MVB12B: variants seen among roughly 807,000 people sequenced by gnomAD.
The protein encoded by MVB12B is multivesicular body subunit 12B, also known as ESCRT-I complex subunit MVB12B.
Under a neutral mutation model 41.6 loss-of-function variants are expected in MVB12B, and 16 were observed. The observed-to-expected ratio is 0.38, with a 90% CI of 0.26 to 0.58. MVB12B has a LOEUF of 0.58. Among genes scored for constraint, MVB12B ranks in the 20% least tolerant of loss-of-function variants. The pLI is 0.62. For missense variants in MVB12B, 274 were observed against 380.2 expected (o/e 0.72, Z 2.32); for synonymous variants, 133 against 139.7 (o/e 0.95, Z 0.34).
chr9:126,354,795 C>T (rs1018401246), intron 2 of MVB12B, among the ~76,000 whole-genome samples: 3 of 152,036 alleles, frequency 2.0e-5, no homozygotes, highest in Non-Finnish European at 4.4e-5. Flanking sequence ...GAATTATTTG[C>T]ATTATTTTTG....
chr9:126,412,840 T>G (rs1199454328), intron 6 of MVB12B, among the ~76,000 whole-genome samples: 3 of 152,228 alleles, frequency 2.0e-5, no homozygotes, highest in African/African-American at 7.2e-5. Flanking sequence ...GCAACTTTGT[T>G]TTTGCTTGGC....
chr9:126,424,525 G>A (rs777276077), intron 7 of MVB12B, among the ~76,000 whole-genome samples: 37 of 152,278 alleles, frequency 2.4e-4, no homozygotes, highest in Non-Finnish European at 4.0e-4. Flanking sequence ...GAATGCCTGT[G>A]GTGTCTGGGA....
rs759410517 is a variant in MVB12B, at chr9:126,386,647, C to T, written c.398C>T (p.Thr133Met). 1 of 1,612,240 alleles carries T rather than the reference C, an allele frequency of 6.2e-7. No individual in the cohort carries two copies. Reference sequence around the variant, plus strand: ...GTGGGCTTCATCCCAATTCAGGAGACGGTGGACACACGTGAGTCATCCTTT... The same window carrying T: ...GTGGGCTTCATCCCAATTCAGGAGATGGTGGACACACGTGAGTCATCCTTT... ...LPVGFIPIQE[T>M]VDTQEVAFRK... is the part of the protein sequence containing the mutation. The change falls in exon 4 of 10, where the codon ACG becomes ATG. Residue 133 changes from threonine to methionine, a missense_variant. Coordinates refer to ENST00000361171, the MANE Select transcript of MVB12B (RefSeq NM_033446.3). This position sits in a 1 kb window ranked among gnomAD's most constrained non-coding sequence, Gnocchi z 4.3.
At position 126,468,018 on chromosome 9, in the gene MVB12B, A is replaced by G. The variant is rs1225163644; in HGVS notation, c.758-13351A>G. Among the ~76,000 whole-genome samples, 3 of 152,256 alleles carry G rather than the reference A, an allele frequency of 2.0e-5. No individual in the cohort carries two copies. Among genetic ancestry groups the G allele is most frequent in the Non-Finnish European group, 2.9e-5 (2 of 68,038 alleles). On this transcript the variant is annotated intron_variant, in intron 7 of 9. Transcript: ENST00000361171. This position sits in a 1 kb window ranked among gnomAD's most constrained non-coding sequence, Gnocchi z 4.3. ...TACATATAAGTGTACACACACACAG[A>G]TGTGCGCTTATGTATCTGTCTACAA...
At chr9:126,482,089 C>G (rs1222618471) in intron 8 of MVB12B, among the ~76,000 whole-genome samples, 1 of 152,240 alleles carries the variant, frequency 6.6e-6, no homozygotes, top group Non-Finnish European at 1.5e-5. Context: ...CAAAGGCCAA[C>G]TTCAGACTGT....
At chr9:126,344,609 T>A (rs1234107575) in intron 2 of MVB12B, among the ~76,000 whole-genome samples, 1 of 152,222 alleles carries the variant, frequency 6.6e-6, no homozygotes, top group Non-Finnish European at 1.5e-5. Context: ...CTGGCCTGTG[T>A]AGGGGTTGGA....
chr9:126,343,307 G>C (rs1829499395), intron 2 of MVB12B, among the ~76,000 whole-genome samples: 1 of 152,166 alleles, frequency 6.6e-6, no homozygotes, highest in Non-Finnish European at 1.5e-5. Context: ...GTCAGAGTTG[G>C]GGTGAGTCTC....
Position 126,352,547 on chromosome 9 carries a change from T to C in MVB12B, c.204+11917T>C, listed in dbSNP as rs78415212. ...TTTACTGCTGTTTCTGGGTTGCTGATTTCTTTAGCTTCAAGTCTGGGATAT... is the reference window on the plus strand; with the variant it reads ...TTTACTGCTGTTTCTGGGTTGCTGACTTCTTTAGCTTCAAGTCTGGGATAT... On this transcript the variant is annotated intron_variant, in intron 2 of 9. Coordinates refer to ENST00000361171, the MANE Select transcript of MVB12B (RefSeq NM_033446.3). Among the ~76,000 whole-genome samples the C allele has an allele frequency of 6.5e-3, 987 of 152,348 alleles. 14 individuals carry two copies. Among genetic ancestry groups the C allele is most frequent in the African/African-American group, 0.022 (925 of 41,580 alleles).
intron 2 of MVB12B, among the ~76,000 whole-genome samples, chr9:126,369,931 G>A (rs933152487): frequency 6.6e-6 from 1 of 152,140 alleles, no homozygotes; most frequent in Non-Finnish European, 1.5e-5. Flanking sequence ...GGGATTACAG[G>A]TGTGAGCCAC....
intron 7 of MVB12B, among the ~76,000 whole-genome samples, chr9:126,455,889 T>TTG (rs1389158207): frequency 1.3e-5 from 1 of 74,336 alleles, no homozygotes; most frequent in Non-Finnish European, 3.1e-5. Flanking sequence ...CTTTCTTTCT[T>TTG]TTTTTTTTTT....
intron 1 of MVB12B, among the ~76,000 whole-genome samples, chr9:126,336,297 A>G (rs1167223394): frequency 1.3e-5 from 2 of 152,246 alleles, no homozygotes; most frequent in Admixed American, 6.5e-5. Flanking sequence ...TGAGTTTTCA[A>G]CTGTGATACA....
chr9:126,348,133 C>T (rs916757533), intron 2 of MVB12B, among the ~76,000 whole-genome samples: 6 of 152,210 alleles, frequency 3.9e-5, no homozygotes, highest in South Asian at 2.1e-4. Flanking sequence ...TTTTCAAAAC[C>T]AGAGCTTGTT....
intron 9 of MVB12B, among the ~76,000 whole-genome samples, chr9:126,490,131 G>T (rs935225699): frequency 6.6e-6 from 1 of 152,186 alleles, no homozygotes; most frequent in African/African-American, 2.4e-5. Flanking sequence ...TGTCTCTGCC[G>T]CTCTTTATTT....
chr9:126,404,777 G>A (rs1248527145), intron 6 of MVB12B, among the ~76,000 whole-genome samples: 4 of 152,242 alleles, frequency 2.6e-5, no homozygotes, highest in African/African-American at 4.8e-5. Context: ...TGAAGCGGGC[G>A]TTTAAGCAGG....
intron 2 of MVB12B, among the ~76,000 whole-genome samples, chr9:126,348,621 T>C (rs988342076): frequency 6.6e-6 from 1 of 152,256 alleles, no homozygotes; most frequent in Non-Finnish European, 1.5e-5. Context: ...TACTTCCTTC[T>C]GTTTGCTAAA....
chr9:126,424,362 A>G (rs953404175), intron 7 of MVB12B, among the ~76,000 whole-genome samples: 6 of 152,116 alleles, frequency 3.9e-5, no homozygotes, highest in African/African-American at 1.4e-4. Flanking sequence ...AGTGGAGACG[A>G]TATGTAGTCC....
rs1316627652 is a variant in MVB12B, at chr9:126,376,483, G to T, written c.205-4581G>T. 2.3e-6 allele frequency: 3 copies of T among 1,285,446 alleles called. No homozygotes were observed. The highest frequency in any genetic ancestry group is 2.0e-6 in the Non-Finnish European group (2 of 985,678). The allele number at this position is 1,285,446 out of a possible 1,614,324, so 79.6% of individuals were successfully genotyped here. A position where few individuals can be genotyped will look rare whatever the true frequency, so the allele number is the denominator to read the frequency against. ...GCTCATGGGCTGGAGCCCTGTGGGT[G>T]GGGGGCCTGCTGGCTGGTGTGCTAC... is the stretch of plus-strand genomic sequence containing the variant. On this transcript the variant is annotated intron_variant, in intron 2 of 9. Coordinates refer to ENST00000361171, the MANE Select transcript of MVB12B (RefSeq NM_033446.3). This position sits in a 1 kb window ranked among gnomAD's most constrained non-coding sequence, Gnocchi z 4.1.
intron 7 of MVB12B, among the ~76,000 whole-genome samples, chr9:126,456,572 T>G (rs1832989773): frequency 6.6e-6 from 1 of 152,350 alleles, no homozygotes; most frequent in Admixed American, 6.5e-5. Context: ...ATCCTGCCCC[T>G]CCCTGCTTCC....
intron 2 of MVB12B, among the ~76,000 whole-genome samples, chr9:126,353,950 A>T (rs924359047): frequency 6.6e-6 from 1 of 152,206 alleles, no homozygotes; most frequent in African/African-American, 2.4e-5. Context: ...TCACCAATTT[A>T]TATATACTCC....
Sources: gnomAD v4.1 joint callset for allele counts (sites outside exome capture counted in the v4.1 genomes callset) on GRCh38, gnomAD v4.1.1 for gene constraint, Gnocchi (gnomAD v3.1) non-coding constraint, MANE v1.5 for transcripts, NCBI Gene and HGNC (gene_info 2026-07-23, HGNC 2026-07-21) for gene names.